Variants in SLC52A3 observed in about 807,000 individuals in gnomAD.
SLC52A3 encodes the protein solute carrier family 52, riboflavin transporter, member 3.
A neutral mutation model predicts 29.5 loss-of-function variants in SLC52A3; 20 were observed. The observed-to-expected ratio is 0.68, with a 90% confidence interval of 0.48 to 0.99. The LOEUF (loss-of-function observed/expected upper bound fraction) is 0.99, where lower values mean the gene tolerates loss of function less well. Among genes scored for constraint, SLC52A3 ranks in the 50% least tolerant of loss-of-function variants. The pLI is 0.00. For missense variants in SLC52A3, 548 were observed against 612.9 expected (o/e 0.89, Z 1.12); for synonymous variants, 301 against 271.0 (o/e 1.11, Z -1.09).
At chr20:761,468 C>T in intron 4 of SLC52A3, 2 of 732,746 alleles carry the variant, frequency 2.7e-6, no homozygotes, top group Non-Finnish European at 4.4e-6. Flanking sequence ...AGGGCAAGGG[C>T]CCTTGAGAGA....
upstream of SLC52A3, among the ~76,000 whole-genome samples, chr20:777,835 C>T (rs1987107202): frequency 6.6e-6 from 1 of 152,078 alleles, no homozygotes; most frequent in African/African-American, 2.4e-5. Context: ...GTGCCACCCC[C>T]AAATACACCT....
upstream of SLC52A3, among the ~76,000 whole-genome samples, chr20:777,272 C>CAAAAAAAA (rs11438035): frequency 6.8e-6 from 1 of 147,928 alleles, no homozygotes; most frequent in African/African-American, 2.5e-5. Flanking sequence ...AAACAAAAAA[C>CAAAAAAAA]AAAAAAAAAA....
intron 4 of SLC52A3, 62 bp from the exon 5 acceptor site, chr20:761,300 A>C (rs1366502462): frequency 6.8e-7 from 1 of 1,475,334 alleles, no homozygotes; most frequent in Admixed American, 2.1e-5. Context: ...CGCCGGAGCA[A>C]AGAACTCTCA....
intron 2 of SLC52A3, 138 bp from the exon 3 acceptor site, chr20:764,141 C>T: frequency 9.9e-7 from 1 of 1,007,004 alleles, no homozygotes; most frequent in Non-Finnish European, 1.4e-6. Context: ...AACAAGGTGG[C>T]AATAATGACT....
Position 763,498 on chromosome 20 carries a change from C to T in SLC52A3, c.1073G>A (p.Arg358Lys). The change falls in exon 3 of 5, where the codon AGG (arginine) becomes AAG (lysine). Residue 358 changes from arginine (R) to lysine (K), a missense_variant and splice_region_variant. Physicochemically the swap from Arg to Lys is conservative, Grantham distance 26 (BLOSUM62 2). Coordinates refer to ENST00000645534, the MANE Select transcript of SLC52A3 (RefSeq NM_033409.4). The stretch of plus-strand genomic sequence containing the variant: ...TCCCTAGGACCAGATGAGGGCACAC[C>T]TGTTAGGCAGGAACATGGAGACCAA... ...ASLVSMFLPN[R>K]SLLFLGVLSV... 6.2e-7 allele frequency: 1 copy of T among 1,613,940 alleles called. No individual in the cohort carries two copies.
At chr20:762,285 A>G (rs1286090260) in intron 3 of SLC52A3, among the ~76,000 whole-genome samples, 1 of 152,170 alleles carries the variant, frequency 6.6e-6, no homozygotes, top group Non-Finnish European at 1.5e-5. Context: ...AGATGGCTGG[A>G]TCGGGCATTG....
At chr20:764,735 A>G (rs942590521) in intron 2 of SLC52A3, among the ~76,000 whole-genome samples, 3 of 152,260 alleles carry the variant, frequency 2.0e-5, no homozygotes, top group Non-Finnish European at 1.5e-5. Flanking sequence ...AGATAAATTT[A>G]CATCTAAAGG....
At position 765,911 on chromosome 20, in the gene SLC52A3, T is replaced by C. The variant is rs1254523607; in HGVS notation, c.-51-86A>G. 7.6e-6 allele frequency: 6 copies of C among 790,834 alleles called. No homozygotes were observed. In the Admixed American group the frequency reaches 1.2e-4, roughly 16 times the overall value. The allele number at this position is 790,834 out of a possible 1,614,324, so 49.0% of individuals were successfully genotyped here. ...CCTGGGGCCCAGAGTTTTCTCTTATTACTCCCCTTCCTGTGAACAAGCTGG... is the reference window on the plus strand; with the variant it reads ...CCTGGGGCCCAGAGTTTTCTCTTATCACTCCCCTTCCTGTGAACAAGCTGG... On this transcript the variant is annotated intron_variant, in intron 1 of 4. Coordinates refer to ENST00000645534, the MANE Select transcript of SLC52A3 (RefSeq NM_033409.4). The surrounding 1 kb of genome is among the most constrained non-coding windows in gnomAD (Gnocchi z 6.6).
chr20:766,241 T>G (rs2024895), intron 1 of SLC52A3: 130,425 of 158,302 alleles, frequency 0.82, 54,918 homozygotes, highest in East Asian at 0.92. Flanking sequence ...GCCCAAGCTG[T>G]CTTTTTATTA....
upstream of SLC52A3, among the ~76,000 whole-genome samples, chr20:779,055 C>T (rs1987143825): frequency 6.6e-6 from 1 of 152,008 alleles, no homozygotes; most frequent in South Asian, 2.1e-4. Flanking sequence ...AGTTAAATAC[C>T]CTAACTTCTA....
At chr20:778,207 G>C (rs1243678883), upstream of SLC52A3, among the ~76,000 whole-genome samples, 1 of 152,048 alleles carries the variant, frequency 6.6e-6, no homozygotes, top group Non-Finnish European at 1.5e-5. Flanking sequence ...TAGAGACAAG[G>C]TTTCACCATG....
chr20:772,424 C>G (rs59513850), upstream of SLC52A3, among the ~76,000 whole-genome samples: 2 of 152,140 alleles, frequency 1.3e-5, no homozygotes, highest in East Asian at 3.8e-4. Flanking sequence ...GCTTTTGGAC[C>G]TCGGGGACAC....
At position 763,683 on chromosome 20, in the gene SLC52A3, G is replaced by C. The variant is rs1986567805; in HGVS notation, c.888C>G (p.Cys296Trp). The C allele has an allele frequency of 6.2e-7, 1 of 1,614,054 alleles. No homozygotes were observed. The change falls in exon 3 of 5, where the codon TGC (cysteine) becomes TGG (tryptophan). Residue 296 changes from cysteine to tryptophan, a missense_variant. By Grantham distance (215) the Cys-to-Trp change is radical. Coordinates refer to ENST00000645534, the MANE Select transcript of SLC52A3 (RefSeq NM_033409.4). ...TATAGATGAAGGCCAGGTGCGCCGG[G>C]CAGCAGGGGGCTGCTTTCTCCTCTA... is the stretch of plus-strand genomic sequence containing the variant. ...GYLEEKAAPC[C>W]PAHLAFIYTL...
Position 761,931 on chromosome 20 carries a change from C to T in SLC52A3, c.1074-107G>A, listed in dbSNP as rs1986504383. 2.6e-6 allele frequency: 4 copies of T among 1,543,298 alleles called. No individual in the cohort carries two copies. The South Asian group carries it at 4.7e-5, about 18-fold the overall frequency. On this transcript the variant is annotated intron_variant, in intron 3 of 4. Transcript: ENST00000645534. ...CCAGTGTCTCCATAGTTAGTTTAGA[C>T]CCATGTGGAAAATTCCAGGTTGCCT... is the stretch of plus-strand genomic sequence containing the variant.
chr20:775,545 G>T (rs938902329), intron 1 of SLC52A3, among the ~76,000 whole-genome samples: 1 of 152,146 alleles, frequency 6.6e-6, no homozygotes, highest in Non-Finnish European at 1.5e-5. Flanking sequence ...CTCCAGAAGT[G>T]CTGGGATTAC....
rs563432642 is a variant in SLC52A3 at position 764,763 on chromosome 20, G to A, written c.567+445C>T. Among the ~76,000 whole-genome samples the A allele has an allele frequency of 2.0e-4, 31 of 152,318 alleles. 1 individual carries two copies. The highest frequency in any genetic ancestry group is 7.5e-4 in the African/African-American group (31 of 41,574). ...TCTAAAGGAAATTTTTATTAGTAAA[G>A]CTATCTTATCTGTACCAAGAAAAGG... is the stretch of plus-strand genomic sequence containing the variant. On this transcript the variant is annotated intron_variant, in intron 2 of 4. Transcript: ENST00000645534.
chr20:761,273 G>C (rs1269624774), intron 4 of SLC52A3, 35 bp from the exon 5 acceptor site: 2 of 1,524,314 alleles, frequency 1.3e-6, no homozygotes, highest in South Asian at 1.2e-5. Context: ...GCAGAGTCAC[G>C]GGGCTTGCGG....
rs752459961 is a variant in SLC52A3 at position 765,213 on chromosome 20, C to A, written c.562G>T (p.Ala188Ser). The change falls in exon 2 of 5, where the codon GCA becomes TCA. Residue 188 changes from alanine (A) to serine (S), a missense_variant. Ala to Ser is a moderately conservative substitution (Grantham distance 99). Coordinates refer to ENST00000645534, the MANE Select transcript of SLC52A3 (RefSeq NM_033409.4). This position sits in a 1 kb window ranked among gnomAD's most constrained non-coding sequence, Gnocchi z 6.6. ...SPVPTRETDI[A>S]QGVPRALVSA... is the part of the protein sequence containing the mutation. ...CTCCGGGTGATGCTGGGTACCTGTG[C>A]GATGTCAGTCTCCCTCGTGGGTACA... The A allele has an allele frequency of 6.2e-7, 1 of 1,614,116 alleles. No individual in the cohort carries two copies. The highest frequency in any genetic ancestry group is 1.1e-5 in the South Asian group (1 of 91,074).
chr20:769,635 G>A (rs576719801), upstream of SLC52A3, among the ~76,000 whole-genome samples: 3 of 152,302 alleles, frequency 2.0e-5, no homozygotes, highest in South Asian at 4.1e-4. Flanking sequence ...GGTGGCTCAC[G>A]TCTGTAATCC....
Sources: allele counts gnomAD v4.1 joint callset (sites outside exome capture counted in the v4.1 genomes callset), GRCh38; gene constraint gnomAD v4.1.1; non-coding constraint Gnocchi (gnomAD v3.1); transcripts MANE v1.5; gene names NCBI Gene and HGNC (gene_info 2026-07-23, HGNC 2026-07-21).